The following CKAP5 variants were observed in gnomAD, a reference collection of about 807,000 sequenced individuals.
CKAP5 encodes cytoskeleton associated protein 5, also known as cytoskeleton-associated protein 5.
CKAP5 carries 27 observed loss-of-function variants against 232.8 expected under a neutral mutation model. The ratio of observed to expected loss-of-function variants is 0.12; its 90% CI spans 0.09 to 0.16. The LOEUF is 0.16. Ranked by LOEUF, CKAP5 falls within the 10% of genes least tolerant of loss-of-function variation. The pLI is 1.00. For synonymous variants in CKAP5, 785 were observed against 841.1 expected, an observed-to-expected ratio of 0.93 and a Z score of 1.16; for missense variants, 1,838 against 2,424.7, an observed-to-expected ratio of 0.76 and a Z score of 5.08.
At chr11:46,814,270 G>C (rs1207097155) in intron 4 of CKAP5, among the ~76,000 whole-genome samples, 1 of 151,756 alleles carries the variant, frequency 6.6e-6, no homozygotes, top group Non-Finnish European at 1.5e-5. Context: ...AATAGAATGA[G>C]CATACTGTTT....
intron 15 of CKAP5, 88 bp from the exon 16 acceptor site, chr11:46,788,861 C>T (rs2134636213): frequency 2.2e-6 from 2 of 912,442 alleles, no homozygotes; most frequent in Non-Finnish European, 3.5e-6. Context: ...AAGTGGTTAC[C>T]TCTGAAGAAA....
intron 16 of CKAP5, among the ~76,000 whole-genome samples, chr11:46,787,704 A>G (rs2065408120): frequency 6.6e-6 from 1 of 152,346 alleles, no homozygotes; most frequent in Non-Finnish European, 1.5e-5. Context: ...TGAGAAGAAA[A>G]AAATGTATAT....
chr11:46,796,727 T>G (rs1295513896), intron 12 of CKAP5, 85 bp downstream of exon 12: 67 of 1,460,052 alleles, frequency 4.6e-5, no homozygotes, highest in Non-Finnish European at 5.9e-5. Flanking sequence ...AAACTACCAG[T>G]ACTCTATAAC....
chr11:46,810,639 T>G (rs1259159483), intron 5 of CKAP5, among the ~76,000 whole-genome samples: 1 of 152,208 alleles, frequency 6.6e-6, no homozygotes, highest in Non-Finnish European at 1.5e-5. Flanking sequence ...ATTTTATTTC[T>G]TTTACAGCAT....
intron 26 of CKAP5, among the ~76,000 whole-genome samples, chr11:46,769,703 A>AC (rs1339022056): frequency 6.6e-6 from 1 of 152,098 alleles, no homozygotes; most frequent in African/African-American, 2.4e-5. Flanking sequence ...CTCTAAAAAA[A>AC]AAAACAAAAC....
intron 1 of CKAP5, among the ~76,000 whole-genome samples, chr11:46,828,731 G>GA (rs1181825783): frequency 6.6e-6 from 1 of 151,910 alleles, no homozygotes; most frequent in Non-Finnish European, 1.5e-5. Context: ...AAAAATTAGA[G>GA]AAAAAAATCT....
At chr11:46,831,861 CTTTTT>C (rs71042624) in intron 1 of CKAP5, among the ~76,000 whole-genome samples, 1 of 119,056 alleles carries the variant, frequency 8.4e-6, no homozygotes, top group African/African-American at 3.3e-5. Context: ...TAAACTTATC[CTTTTT>C]TTTTTTTTTT....
In CKAP5 at chr11:46,753,353, C is replaced by T. The variant is rs2065084517; in HGVS notation, c.5014G>A (p.Val1672Met). The change falls in exon 37 of 44, where the codon GTG becomes ATG. Residue 1672 changes from valine to methionine, a missense_variant. This residue lies in a region of CKAP5 where 579 missense variants were observed against 843.2 expected (regional missense o/e 0.69). Coordinates refer to ENST00000529230, the MANE Select transcript of CKAP5 (RefSeq NM_001008938.4). ...QQVIRSVNLL[V>M]VKVLEKSDQT... ...TCTGACTTCTCCAGAACCTTCACCA[C>T]CAAGAGGTTCACAGAGCGGATGACC... 3 of 1,613,644 alleles carry T rather than the reference C, an allele frequency of 1.9e-6. No homozygotes were observed. The highest frequency in any genetic ancestry group is 2.5e-6 in the Non-Finnish European group (3 of 1,179,850).
At chr11:46,752,989 G>GT (rs2065081561) in intron 37 of CKAP5, 1 of 425,040 alleles carries the variant, frequency 2.4e-6, no homozygotes, top group Non-Finnish European at 4.1e-6. Context: ...CAAGAAAAAT[G>GT]TAACTGACAA....
chr11:46,780,004 AT>A (rs548909358), intron 20 of CKAP5, among the ~76,000 whole-genome samples, 189 bp downstream of exon 20: 8 of 152,066 alleles, frequency 5.3e-5, no homozygotes, highest in Non-Finnish European at 8.8e-5. Flanking sequence ...CACAATACTA[AT>A]GCTGAACTTA....
rs376188777 is a variant in CKAP5, at chr11:46,784,061, G to A, written c.2154+427C>T. 1.1e-4 allele frequency among the ~76,000 whole-genome samples: 16 copies of A among 150,704 alleles called. No individual in the cohort carries two copies. The East Asian group carries it at 1.6e-3, about 15-fold the overall frequency. ...ACTAGGCAATAGAGTATTTTTTAAG[G>A]TAAAAATAAAAATGCAGTATCAAAG... On this transcript the variant is annotated intron_variant, in intron 17 of 43. Transcript: ENST00000529230.
chr11:46,775,307 G>C (rs559514702), intron 24 of CKAP5, among the ~76,000 whole-genome samples: 20 of 152,126 alleles, frequency 1.3e-4, no homozygotes, highest in African/African-American at 4.8e-4. Context: ...AGTTAGAATG[G>C]CGATCATTAA....
chr11:46,745,089 T>C (rs1257528338), intron 42 of CKAP5, among the ~76,000 whole-genome samples: 1 of 152,014 alleles, frequency 6.6e-6, no homozygotes, highest in Non-Finnish European at 1.5e-5. Flanking sequence ...AGAACTGGAG[T>C]GTCTGTAACC....
At chr11:46,839,388 T>C (rs574135891) in intron 1 of CKAP5, among the ~76,000 whole-genome samples, 2 of 152,318 alleles carry the variant, frequency 1.3e-5, no homozygotes, top group South Asian at 4.1e-4. Flanking sequence ...CTAAGTAATG[T>C]ATTCTAAACT....
At chr11:46,813,206 T>TA (rs1216965884) in intron 4 of CKAP5, among the ~76,000 whole-genome samples, 1 of 152,132 alleles carries the variant, frequency 6.6e-6, no homozygotes, top group African/African-American at 2.4e-5. Context: ...TTTATATTAT[T>TA]AAAAAAATTA....
intron 18 of CKAP5, 21 bp from the exon 19 acceptor site, chr11:46,780,506 T>TAA (rs1565731928): frequency 2.5e-6 from 4 of 1,602,986 alleles, no homozygotes; most frequent in Non-Finnish European, 3.4e-6. Context: ...CATTTAGAAT[T>TAA]AAAAGCAAAC....
chr11:46,752,456 C>G (rs1426229800), intron 38 of CKAP5, among the ~76,000 whole-genome samples, 179 bp downstream of exon 38: 3 of 151,532 alleles, frequency 2.0e-5, no homozygotes, highest in Non-Finnish European at 4.4e-5. Context: ...GTGCATGCCA[C>G]TGCACCTGGC....
rs200235153 is a variant in CKAP5, at chr11:46,809,733, T to C, written c.763+9A>G. ...TTTTTGCAGAAACCGGTGTTTAAAATTGGCTTACCTCCTTCAGCATCTCCA... is the reference window on the plus strand; with the variant it reads ...TTTTTGCAGAAACCGGTGTTTAAAACTGGCTTACCTCCTTCAGCATCTCCA... On this transcript the variant is annotated intron_variant, in intron 6 of 43. Coordinates refer to ENST00000529230, the MANE Select transcript of CKAP5 (RefSeq NM_001008938.4). 21 of 1,613,390 alleles carry C rather than the reference T, an allele frequency of 1.3e-5. No individual in the cohort carries two copies. Among genetic ancestry groups the C allele is most frequent in the Non-Finnish European group, 1.6e-5 (19 of 1,179,892 alleles).
At chr11:46,826,378 C>T (rs1939652559) in intron 1 of CKAP5, among the ~76,000 whole-genome samples, 1 of 152,184 alleles carries the variant, frequency 6.6e-6, no homozygotes, top group South Asian at 2.1e-4. Context: ...CTAATGCTTA[C>T]TCATCCCAAA....
Sources: gnomAD v4.1 joint callset for allele counts (sites outside exome capture counted in the v4.1 genomes callset) on GRCh38, gnomAD v4.1.1 for gene constraint, gnomAD v4.1.1 regional missense constraint, MANE v1.5 for transcripts, NCBI Gene and HGNC (gene_info 2026-07-23, HGNC 2026-07-21) for gene names.